Variants in PAN3 observed in about 807,000 individuals in gnomAD.
PAN3 encodes the protein PAN2-PAN3 deadenylation complex subunit PAN3.
A neutral mutation model predicts 96.2 loss-of-function variants in PAN3; 19 were observed. The observed-to-expected ratio is 0.20, with a 90% CI of 0.14 to 0.29. PAN3 has a LOEUF of 0.29. Among genes scored for constraint, PAN3 ranks in the 10% least tolerant of loss-of-function variants. The probability of loss-of-function intolerance (pLI) is 1.00; values close to 1 mark genes in which losing one functional copy is unlikely to be tolerated. For missense variants in PAN3, 882 were observed against 1,108.1 expected (o/e 0.80, Z 2.90); for synonymous variants, 433 against 406.6 (o/e 1.06, Z -0.78).
intron 6 of PAN3, among the ~76,000 whole-genome samples, chr13:28,239,146 A>AC (rs1883376915): frequency 6.8e-5 from 2 of 29,536 alleles, no homozygotes; most frequent in African/African-American, 1.3e-4. Flanking sequence ...CACCCCCCCC[A>AC]CCCCCCACCC....
chr13:28,178,691 T>C (rs1425062735), intron 4 of PAN3, among the ~76,000 whole-genome samples: 2 of 152,098 alleles, frequency 1.3e-5, no homozygotes, highest in African/African-American at 4.8e-5. Flanking sequence ...ATGAGAGTAA[T>C]AAATGTAAAA....
intron 1 of PAN3, among the ~76,000 whole-genome samples, chr13:28,144,372 G>A (rs868261425): frequency 8.6e-5 from 13 of 151,668 alleles, no homozygotes; most frequent in Admixed American, 8.5e-4. Flanking sequence ...CCGCCACCAC[G>A]CCCAGATAAT....
Position 28,292,588 on chromosome 13 carries a change from T to C in PAN3, c.*66T>C, listed in dbSNP as rs1412048954. 1 of 1,452,632 alleles carries C rather than the reference T, an allele frequency of 6.9e-7. No homozygotes were observed. Among genetic ancestry groups the C allele is most frequent in the Non-Finnish European group, 9.2e-7 (1 of 1,088,774 alleles). The allele number at this position is 1,452,632 out of a possible 1,614,324, so 90.0% of individuals were successfully genotyped here. On this transcript the variant is annotated 3_prime_UTR_variant, in exon 19 of 19. Transcript: ENST00000380958. ...AACCAATAGCAAATTGCACTACAGC[T>C]GAACTTTTCATCATCTCATTCACAT...
At chr13:28,171,892 C>T (rs1030777216) in intron 1 of PAN3, among the ~76,000 whole-genome samples, 2 of 152,168 alleles carry the variant, frequency 1.3e-5, no homozygotes, top group African/African-American at 4.8e-5. Flanking sequence ...CGGCTCCCAT[C>T]TAGGTACCTA....
intron 7 of PAN3, 58 bp from the exon 8 acceptor site, chr13:28,260,389 A>G (rs1885595380): frequency 3.0e-6 from 4 of 1,340,928 alleles, no homozygotes; most frequent in Admixed American, 1.7e-5. Flanking sequence ...GCAAGACTCC[A>G]TCTGAAAAAA....
chr13:28,183,982 T>G (rs1876127094), intron 4 of PAN3, among the ~76,000 whole-genome samples: 1 of 152,170 alleles, frequency 6.6e-6, no homozygotes. Flanking sequence ...ACTCACTCTG[T>G]ATCAGGCTGT....
At chr13:28,207,981 A>C (rs1879575990) in intron 5 of PAN3, among the ~76,000 whole-genome samples, 1 of 152,220 alleles carries the variant, frequency 6.6e-6, no homozygotes, top group African/African-American at 2.4e-5. Flanking sequence ...TCAAATAATT[A>C]AATGGATGGA....
At chr13:28,224,812 C>A (rs191252828) in intron 6 of PAN3, among the ~76,000 whole-genome samples, 1 of 151,982 alleles carries the variant, frequency 6.6e-6, no homozygotes, top group East Asian at 1.9e-4. Context: ...TTTGTAGAGA[C>A]GAGTTCTCAC....
intron 5 of PAN3, among the ~76,000 whole-genome samples, chr13:28,210,559 T>C (rs1366037314): frequency 6.6e-6 from 1 of 152,170 alleles, no homozygotes; most frequent in Non-Finnish European, 1.5e-5. Flanking sequence ...ACTATATTAT[T>C]AGACTAATTT....
Position 28,139,078 on chromosome 13 carries a change from C to A in PAN3, c.421C>A (p.Arg141=). Residue 141 remains arginine, a synonymous_variant, in exon 1 of 19, where the codon CGG becomes AGG. Transcript: ENST00000380958. ...GGSSGGLDGP[R]LAIPGMDGGA... is the part of the protein sequence containing the mutation. ...CAGTAGCGGGGGACTCGATGGACCG[C>A]GGCTGGCAAGTGAGTGTTTTTCGGG... The A allele has an allele frequency of 7.9e-7, 1 of 1,264,856 alleles. No individual in the cohort carries two copies. Among genetic ancestry groups the A allele is most frequent in the Non-Finnish European group, 9.9e-7 (1 of 1,006,356 alleles). 78.4% of individuals were successfully genotyped at this position (1,264,856 alleles called of 1,614,324 possible).
intron 2 of PAN3, 148 bp downstream of exon 2, chr13:28,174,541 C>T (rs1874711722): frequency 2.1e-6 from 2 of 935,420 alleles, no homozygotes; most frequent in South Asian, 3.7e-5. Flanking sequence ...AAACTATCTC[C>T]CATGGGGTTG....
intron 1 of PAN3, among the ~76,000 whole-genome samples, chr13:28,158,900 C>T (rs961112670): frequency 2.0e-5 from 3 of 150,224 alleles, no homozygotes; most frequent in African/African-American, 4.9e-5. Flanking sequence ...AAAAGCTCAA[C>T]GTCACTAATC....
rs532436780 is a variant in PAN3, at chr13:28,254,085, T to A, written c.1001-2207T>A. 7.9e-5 allele frequency among the ~76,000 whole-genome samples: 12 copies of A among 152,284 alleles called. No individual in the cohort carries two copies. In the East Asian group the frequency reaches 2.3e-3, roughly 29 times the overall value. ...ACACATAGCCCCATCCCCACGTAGC[T>A]TTAGTAGTCACACTAAAGCTAGTAA... On this transcript the variant is annotated intron_variant, in intron 6 of 18. Coordinates refer to ENST00000380958, the MANE Select transcript of PAN3 (RefSeq NM_175854.8).
intron 14 of PAN3, among the ~76,000 whole-genome samples, chr13:28,274,198 C>G (rs543601343): frequency 4.6e-5 from 7 of 152,266 alleles, no homozygotes; most frequent in African/African-American, 1.7e-4. Flanking sequence ...TCATTCTGTT[C>G]TTCTGCCTGA....
intron 1 of PAN3, among the ~76,000 whole-genome samples, chr13:28,150,587 A>C (rs1390482936): frequency 6.6e-6 from 1 of 150,880 alleles, no homozygotes; most frequent in Non-Finnish European, 1.5e-5. Flanking sequence ...CAGTGAGCCG[A>C]GATCACGCCA....
chr13:28,225,261 G>T (rs904131313), intron 6 of PAN3, among the ~76,000 whole-genome samples: 36 of 152,116 alleles, frequency 2.4e-4, no homozygotes, highest in Non-Finnish European at 5.0e-4. Context: ...TGTCGTTCTT[G>T]TTCAGAAATA....
chr13:28,177,721 A>G, intron 3 of PAN3, 144 bp from the exon 4 acceptor site: 1 of 660,420 alleles, frequency 1.5e-6, no homozygotes. Flanking sequence ...TTGCTCAGAA[A>G]ATATTTGAAC....
intron 1 of PAN3, among the ~76,000 whole-genome samples, chr13:28,144,502 A>C (rs908995399): frequency 1.1e-4 from 16 of 151,952 alleles, no homozygotes; most frequent in African/African-American, 3.6e-4. Flanking sequence ...GGCGTGAGCC[A>C]CTGGGCCCGG....
At chr13:28,164,611 T>C (rs1230547188) in intron 1 of PAN3, among the ~76,000 whole-genome samples, 1 of 152,202 alleles carries the variant, frequency 6.6e-6, no homozygotes, top group African/African-American at 2.4e-5. Context: ...TCTGACTTCT[T>C]TTTGGATGAT....
Sources: gnomAD v4.1 joint callset for allele counts (sites outside exome capture counted in the v4.1 genomes callset) on GRCh38, gnomAD v4.1.1 for gene constraint, MANE v1.5 for transcripts, NCBI Gene and HGNC (gene_info 2026-07-23, HGNC 2026-07-21) for gene names.